BRCA2: variants seen among roughly 807,000 people sequenced by gnomAD.
BRCA2 encodes the protein BRCA2 DNA repair associated.
In BRCA2, 203 loss-of-function variants were observed where a neutral mutation model predicts 276.7. The observed-to-expected ratio is 0.73, with a 90% CI of 0.65 to 0.82. The LOEUF (loss-of-function observed/expected upper bound fraction) is 0.82. Among genes scored for constraint, BRCA2 ranks in the 40% least tolerant of loss-of-function variants. The probability of loss-of-function intolerance (pLI) is 0.00; values close to 1 mark genes in which losing one functional copy is unlikely to be tolerated. For synonymous variants in BRCA2, 1,289 were observed against 1,338.4 expected (o/e 0.96, Z 0.81); for missense variants, 3,920 against 3,915.0 (o/e 1.00, Z -0.03).
intron 24 of BRCA2, among the ~76,000 whole-genome samples, chr13:32,380,919 T>A (rs1280098528): frequency 6.6e-6 from 1 of 152,194 alleles, no homozygotes; most frequent in East Asian, 1.9e-4. Context: ...ATTCAAGAAT[T>A]TTCTTCTATT....
At chr13:32,326,465 T>C (rs747638859) in intron 6 of BRCA2, 34 bp from the exon 7 acceptor site, 2 of 1,526,078 alleles carry the variant, frequency 1.3e-6, no homozygotes, top group Non-Finnish European at 1.8e-6. Context: ...TCAGGGCATT[T>C]CTATAAAAAA....
chr13:32,350,311 A>G (rs2072638795), intron 13 of BRCA2, among the ~76,000 whole-genome samples: 1 of 152,210 alleles, frequency 6.6e-6, no homozygotes, highest in African/African-American at 2.4e-5. Flanking sequence ...TAAAAACTAT[A>G]ATTTGTGAAC....
chr13:32,397,128 G>A lies in BRCA2; in HGVS notation c.9648+84G>A, dbSNP rs81002832. Reference sequence around the variant, plus strand: ...TTCTGTTGTATACCTAGTAAACATGGTAAAATGTAATTAAACTTAATTAGA... The same window carrying A: ...TTCTGTTGTATACCTAGTAAACATGATAAAATGTAATTAAACTTAATTAGA... On this transcript the variant is annotated intron_variant, in intron 26 of 26. Transcript: ENST00000380152. 1.1e-3 allele frequency: 1,502 copies of A among 1,414,628 alleles called. 9 individuals carry two copies. Among genetic ancestry groups the A allele is most frequent in the Non-Finnish European group, 7.0e-4 (712 of 1,012,098 alleles). 87.6% of individuals were successfully genotyped at this position (1,414,628 alleles called of 1,614,324 possible). A position where few individuals can be genotyped will look rare whatever the true frequency, so the allele number is the denominator to read the frequency against.
chr13:32,371,878 A>T (rs1035029804), intron 20 of BRCA2, among the ~76,000 whole-genome samples: 2 of 152,032 alleles, frequency 1.3e-5, no homozygotes, highest in African/African-American at 4.8e-5. Flanking sequence ...CATTGTATCT[A>T]AAAAAAACAA....
At chr13:32,387,040 A>G (rs2072965384) in intron 24 of BRCA2, among the ~76,000 whole-genome samples, 1 of 16,688 alleles carries the variant, frequency 6.0e-5, no homozygotes, top group Non-Finnish European at 1.5e-4. Flanking sequence ...TAGATGTCTC[A>G]CCTCCACCTT....
rs80358390 is a variant in BRCA2 at position 32,398,602 on chromosome 13, A to C, written c.10089A>C (p.Ile3363=). The C allele has an allele frequency of 6.2e-7, 1 of 1,613,954 alleles. No individual in the cohort carries two copies. Among genetic ancestry groups the C allele is most frequent in the Non-Finnish European group, 8.5e-7 (1 of 1,179,790 alleles). ...GTTCAACAGGAGAAAAACAATTTATATCTGTCAGTGAATCCACTAGGACTG... is the reference window on the plus strand; with the variant it reads ...GTTCAACAGGAGAAAAACAATTTATCTCTGTCAGTGAATCCACTAGGACTG... ...LSGSTGEKQF[I]SVSESTRTAP... Residue 3363 remains isoleucine, a synonymous_variant, in exon 27 of 27, where the codon ATA becomes ATC. Coordinates refer to ENST00000380152, the MANE Select transcript of BRCA2 (RefSeq NM_000059.4).
rs1555284847 is a variant in BRCA2 at position 32,341,115 on chromosome 13, T to C, written c.6760T>C (p.Phe2254Leu). 1 of 1,613,936 alleles carries C rather than the reference T, an allele frequency of 6.2e-7. No individual in the cohort carries two copies. Among genetic ancestry groups the C allele is most frequent in the Non-Finnish European group, 8.5e-7 (1 of 1,179,916 alleles). Reference protein sequence around the residue: ...KLPSHATHSLFTCPENEEMVL... With the variant: ...KLPSHATHSLLTCPENEEMVL... Reference sequence around the variant, plus strand: ...GCCAAGTCATGCCACACATTCTCTTTTTACATGTCCCGAAAATGAGGAAAT... The same window carrying C: ...GCCAAGTCATGCCACACATTCTCTTCTTACATGTCCCGAAAATGAGGAAAT... The change falls in exon 11 of 27, where the codon TTT becomes CTT. Residue 2254 changes from phenylalanine (F) to leucine (L), a missense_variant. Transcript: ENST00000380152.
At position 32,386,146 on chromosome 13, in the gene BRCA2, ATTT is replaced by A. The variant is rs560456008; in HGVS notation, c.9256+6003_9256+6005del. 1.8e-3 allele frequency: 283 copies of A among 154,970 alleles called. 1 individual carries two copies. Among genetic ancestry groups the A allele is most frequent in the Middle Eastern group, 7.6e-3 (5 of 654 alleles). The allele number at this position is 154,970 out of a possible 1,614,324, so 9.6% of individuals were successfully genotyped here. On this transcript the variant is annotated intron_variant, in intron 24 of 26. Transcript: ENST00000380152. ...ATTGACCACTTTCATATTTCATTTG[ATTT>A]TCTGTTAACGTGCTAATCAAGGCTG...
Position 32,332,409 on chromosome 13 carries a change from T to G in BRCA2, c.931T>G (p.Cys311Gly), listed in dbSNP as rs61754140. The stretch of plus-strand genomic sequence containing the variant: ...CTCTGAAGAAGATAGTTTTTCATTA[T>G]GTTTTTCTAAATGTAGAACAAAAAA... The part of the protein sequence containing the change: ...DTSEEDSFSL[C>G]FSKCRTKNLQ... Residue 311 changes from cysteine (C) to glycine (G), a missense_variant, in exon 10 of 27, where the codon TGT becomes GGT. Physicochemically the swap from Cys to Gly is radical, Grantham distance 159. Around this residue, in one of 2 missense-constraint regions of BRCA2, gnomAD observed 3,263 missense variants for 3,156.9 expected, o/e 1.03. Transcript: ENST00000380152. The G allele has an allele frequency of 1.9e-6, 3 of 1,591,910 alleles. No homozygotes were observed. The South Asian group carries it at 3.5e-5, about 19-fold the overall frequency.
chr13:32,385,842 T>C (rs2072956361), intron 24 of BRCA2: 2 of 162,678 alleles, frequency 1.2e-5, no homozygotes, highest in Non-Finnish European at 2.8e-5. Flanking sequence ...TTCAGGAATT[T>C]CAAAAGAAAT....
At chr13:32,329,549 T>G (rs2137458800) in intron 8 of BRCA2, 57 bp downstream of exon 8, 1 of 1,301,648 alleles carries the variant, frequency 7.7e-7, no homozygotes, top group East Asian at 2.3e-5. Flanking sequence ...TTGGAATGCC[T>G]TGTTAAATTA....
intron 20 of BRCA2, among the ~76,000 whole-genome samples, chr13:32,374,012 C>A (rs1337048182): frequency 6.6e-6 from 1 of 152,264 alleles, no homozygotes; most frequent in Non-Finnish European, 1.5e-5. Flanking sequence ...ACAGGCCCAG[C>A]ATCACATGGA....
rs768247528 is a variant in BRCA2 at position 32,363,495 on chromosome 13, T to G, written c.8293T>G (p.Cys2765Gly). Residue 2765 changes from cysteine (C) to glycine (G), a missense_variant, in exon 18 of 27, where the codon TGT becomes GGT. Coordinates refer to ENST00000380152, the MANE Select transcript of BRCA2 (RefSeq NM_000059.4). ...AGAACTGGTGGGCTCTCCTGATGCCTGTACACCTCTTGAAGCCCCAGAATC... is the reference window on the plus strand; with the variant it reads ...AGAACTGGTGGGCTCTCCTGATGCCGGTACACCTCTTGAAGCCCCAGAATC... Reference protein sequence around the residue: ...GAELVGSPDACTPLEAPESLM... With the variant: ...GAELVGSPDAGTPLEAPESLM... 2.5e-6 allele frequency: 4 copies of G among 1,614,012 alleles called. No individual in the cohort carries two copies. In the African/African-American group the frequency reaches 5.3e-5, roughly 22 times the overall value.
In BRCA2 at chr13:32,398,264, A is replaced by G. The variant is rs1466044420; in HGVS notation, c.9751A>G (p.Lys3251Glu). The change falls in exon 27 of 27, where the codon AAG becomes GAG. Residue 3251 changes from lysine to glutamate, a missense_variant. This residue lies in a region of BRCA2 where 657 missense variants were observed against 758.2 expected (regional missense o/e 0.87). Transcript: ENST00000380152. Reference sequence around the variant, plus strand: ...ACCTGTCTCAGCCCAGATGACTTCAAAGTCTTGTAAAGGGGAGAAAGAGAT... The same window carrying G: ...ACCTGTCTCAGCCCAGATGACTTCAGAGTCTTGTAAAGGGGAGAAAGAGAT... ...STPVSAQMTS[K>E]SCKGEKEIDD... is the part of the protein sequence containing the mutation. 1 of 1,614,192 alleles carries G rather than the reference A, an allele frequency of 6.2e-7. No homozygotes were observed.
intron 24 of BRCA2, among the ~76,000 whole-genome samples, chr13:32,392,214 T>G (rs1210947846): frequency 6.6e-6 from 1 of 152,202 alleles, no homozygotes; most frequent in African/African-American, 2.4e-5. Flanking sequence ...GAATGACATT[T>G]CCATTCCCTG....
Position 32,340,382 on chromosome 13 carries a change from A to G in BRCA2, c.6027A>G (p.Gln2009=), listed in dbSNP as rs1131692109. ...CTGAAATAGAAGATAGTACCAAGCAAGTCTTTTCCAAAGTATTGTTTAAAA... is the reference window on the plus strand; with the variant it reads ...CTGAAATAGAAGATAGTACCAAGCAGGTCTTTTCCAAAGTATTGTTTAAAA... ...VFSEIEDSTK[Q]VFSKVLFKSN... Residue 2009 remains glutamine (Q), a synonymous_variant, in exon 11 of 27, where the codon CAA becomes CAG. Transcript: ENST00000380152. 3.1e-6 allele frequency: 5 copies of G among 1,613,908 alleles called. No homozygotes were observed. Among genetic ancestry groups the G allele is most frequent in the Non-Finnish European group, 4.2e-6 (5 of 1,179,834 alleles).
rs2072422436 is a variant in BRCA2 at position 32,333,272 on chromosome 13, ATCT to A, written c.1796_1798del (p.Ser599del). 6.2e-7 allele frequency: 1 copy of A among 1,607,418 alleles called. No homozygotes were observed. Among genetic ancestry groups the A allele is most frequent in the Non-Finnish European group, 8.5e-7 (1 of 1,177,870 alleles). ...TTATTTATGCTATACATGATGAAACATCTTATAAAGGAAAAAAAATACCGAAAG... is the reference window on the plus strand; with the variant it reads ...TTATTTATGCTATACATGATGAAACATATAAAGGAAAAAAAATACCGAAAG... On this transcript the variant is annotated inframe_deletion, in exon 10 of 27. Transcript: ENST00000380152.
At chr13:32,346,628 G>A (rs934083949) in intron 12 of BRCA2, among the ~76,000 whole-genome samples, 199 bp from the exon 13 acceptor site, 2 of 152,000 alleles carry the variant, frequency 1.3e-5, no homozygotes, top group Admixed American at 1.3e-4. Context: ...TTGTATGCTT[G>A]TACTGTGAGT....
chr13:32,377,364 G>GA (rs563770155), intron 21 of BRCA2, among the ~76,000 whole-genome samples: 1 of 152,204 alleles, frequency 6.6e-6, no homozygotes, highest in Non-Finnish European at 1.5e-5. Flanking sequence ...GACCGAGGCA[G>GA]AAGGATCACC....
Sources: allele counts gnomAD v4.1 joint callset (sites outside exome capture counted in the v4.1 genomes callset), GRCh38; gene constraint gnomAD v4.1.1; regional missense constraint gnomAD v4.1.1; transcripts MANE v1.5; gene names NCBI Gene and HGNC (gene_info 2026-07-23, HGNC 2026-07-21).